RIMOC1: variants seen among roughly 807,000 people sequenced by gnomAD.
RIMOC1 encodes RAB7A-interacting MON1-CCZ1 complex subunit 1.
chr5:41,913,811 T>C, the RIMOC1 span, among the ~76,000 whole-genome samples: 1 of 152,230 alleles, frequency 6.6e-6, no homozygotes, highest in Non-Finnish European at 1.5e-5. Context: ...AAATATTTTA[T>C]TCTAAAACAA....
the RIMOC1 span, chr5:41,919,917 A>G: frequency 1.3e-5 from 2 of 152,138 alleles, no homozygotes; most frequent in South Asian, 2.1e-4. Context: ...ACCTGTATAC[A>G]TAGTGCTTAA....
the RIMOC1 span, chr5:41,917,707 G>A: frequency 1.0e-6 from 1 of 958,262 alleles, no homozygotes; most frequent in Non-Finnish European, 1.2e-6. Context: ...AGAAATTAAA[G>A]TCAAGTTACT....
chr5:41,907,674 T>C, the RIMOC1 span: 1 of 997,332 alleles, frequency 1.0e-6, no homozygotes. Flanking sequence ...CATAATGTGT[T>C]TTTTGTTTAA....
chr5:41,910,305 T>G, the RIMOC1 span, among the ~76,000 whole-genome samples: 4 of 151,994 alleles, frequency 2.6e-5, no homozygotes, highest in African/African-American at 9.7e-5. Context: ...ATGCTTCTTT[T>G]CCACTTCTTC....
At chr5:41,904,598 C>G in the RIMOC1 span, 5 of 776,586 alleles carry the variant, frequency 6.4e-6, no homozygotes, top group South Asian at 8.6e-5. Flanking sequence ...TACCCGAGGT[C>G]TGTCGCTTCT....
chr5:41,904,787 A>C, the RIMOC1 span, among the ~76,000 whole-genome samples: 1 of 152,268 alleles, frequency 6.6e-6, no homozygotes, highest in South Asian at 2.1e-4. Context: ...AGTTTAAATA[A>C]ATGGCTAAGA....
chr5:41,912,086 C>T, the RIMOC1 span: 2 of 1,605,154 alleles, frequency 1.2e-6, no homozygotes, highest in Admixed American at 3.3e-5. Flanking sequence ...TTGATGGAAT[C>T]AGTTACTTGC....
At chr5:41,918,181 A>G in the RIMOC1 span, 2 of 985,774 alleles carry the variant, frequency 2.0e-6, no homozygotes, top group Non-Finnish European at 2.4e-6. Context: ...TACCTTGCTG[A>G]TACCTTGGAC....
At chr5:41,904,872 T>A in the RIMOC1 span, among the ~76,000 whole-genome samples, 1 of 152,232 alleles carries the variant, frequency 6.6e-6, no homozygotes, top group Non-Finnish European at 1.5e-5. Flanking sequence ...ACAGTTCCAC[T>A]TTTTCATTGC....
the RIMOC1 span, chr5:41,909,706 T>G: frequency 1.4e-6 from 2 of 1,421,228 alleles, no homozygotes; most frequent in South Asian, 1.4e-5. Context: ...TTTTCAATTT[T>G]AAGTCATTGA....
chr5:41,917,749 A>G, the RIMOC1 span: 1 of 933,552 alleles, frequency 1.1e-6, no homozygotes, highest in Non-Finnish European at 1.3e-6. Context: ...ATGGATATAA[A>G]TGTAGGCAAA....
At chr5:41,921,365 A>G in the RIMOC1 span, 1 of 151,920 alleles carries the variant, frequency 6.6e-6, no homozygotes, top group African/African-American at 2.4e-5. Context: ...TTTCTAGCTT[A>G]AATAAGGGTA....
the RIMOC1 span, among the ~76,000 whole-genome samples, chr5:41,911,790 A>G: frequency 6.6e-6 from 1 of 152,130 alleles, no homozygotes; most frequent in Non-Finnish European, 1.5e-5. Flanking sequence ...TCTTCCTCTG[A>G]TAACATCTTT....
chr5:41,918,389 T>G, the RIMOC1 span: 2 of 985,676 alleles, frequency 2.0e-6, no homozygotes, highest in Non-Finnish European at 2.4e-6. Context: ...TCTTACCCCC[T>G]TTTCTTGACT....
the RIMOC1 span, chr5:41,916,409 T>A: frequency 1.1e-6 from 1 of 941,474 alleles, no homozygotes; most frequent in Admixed American, 6.2e-5. Context: ...AGAGTTCAAC[T>A]TTTGATGAAA....
chr5:41,913,059 ATC>A, the RIMOC1 span, among the ~76,000 whole-genome samples: 1 of 152,162 alleles, frequency 6.6e-6, no homozygotes, highest in East Asian at 1.9e-4. Context: ...TGCAGCATGC[ATC>A]TCTGTTTAGG....
the RIMOC1 span, chr5:41,917,629 CA>C: frequency 2.0e-6 from 2 of 986,358 alleles, no homozygotes; most frequent in Admixed American, 1.2e-4. Context: ...ATATGTAACA[CA>C]AGTTTACCAT....
At chr5:41,916,942 T>TA in the RIMOC1 span, 5 of 1,325,126 alleles carry the variant, frequency 3.8e-6, no homozygotes, top group South Asian at 8.5e-5. Context: ...GAACTTTAAT[T>TA]AGAGTTTAGT....
the RIMOC1 span, chr5:41,912,123 A>G: frequency 6.2e-7 from 1 of 1,612,316 alleles, no homozygotes; most frequent in Admixed American, 1.7e-5. Context: ...TCGATGTCCT[A>G]TCCAGTTAAA....
Sources: allele counts gnomAD v4.1 joint callset (sites outside exome capture counted in the v4.1 genomes callset), GRCh38; gene constraint gnomAD v4.1.1; transcripts MANE v1.5; gene names NCBI Gene and HGNC (gene_info 2026-07-23, HGNC 2026-07-21).